Variants in CSMD1 observed in about 807,000 individuals in gnomAD.
The protein encoded by CSMD1 is CUB and Sushi multiple domains 1.
In CSMD1, 213 loss-of-function variants were observed where a neutral mutation model predicts 417.5. That is an observed-to-expected ratio of 0.51 (90% CI 0.46 to 0.57). The LOEUF (loss-of-function observed/expected upper bound fraction) is 0.57. Ranked by LOEUF, CSMD1 falls within the 20% of genes least tolerant of loss-of-function variation. The pLI is 0.00. For missense variants in CSMD1, 6,923 were observed against 4,529.7 expected (o/e 1.53, Z -15.17); for synonymous variants, 2,862 against 1,736.8 (o/e 1.65, Z -16.11).
chr8:3,563,488 A>C (rs1218471245), intron 10 of CSMD1, among the ~76,000 whole-genome samples: 1 of 151,646 alleles, frequency 6.6e-6, no homozygotes, highest in African/African-American at 2.4e-5. Flanking sequence ...GACCTGTAAA[A>C]CTAACTGAGC....
intron 1 of CSMD1, among the ~76,000 whole-genome samples, chr8:4,673,513 G>C (rs2130954151): frequency 6.6e-6 from 1 of 152,148 alleles, no homozygotes; most frequent in Non-Finnish European, 1.5e-5. Flanking sequence ...TGTTGGAAGA[G>C]TTTCCTACAA....
intron 3 of CSMD1, among the ~76,000 whole-genome samples, chr8:4,324,801 C>G (rs1339379879): frequency 6.6e-6 from 1 of 152,206 alleles, no homozygotes; most frequent in Non-Finnish European, 1.5e-5. Flanking sequence ...CTAGCGCCTG[C>G]TTCCCATGTC....
At chr8:3,766,076 C>T (rs746117625) in intron 5 of CSMD1, among the ~76,000 whole-genome samples, 2 of 152,126 alleles carry the variant, frequency 1.3e-5, no homozygotes, top group Non-Finnish European at 2.9e-5. Flanking sequence ...GAACTCAAGC[C>T]TGGGAAATGG....
chr8:3,106,424 A>C, intron 46 of CSMD1, 104 bp downstream of exon 46: 3 of 648,870 alleles, frequency 4.6e-6, no homozygotes, highest in Non-Finnish European at 7.7e-6. Context: ...ATAATAAACA[A>C]ATAAATAAGT....
intron 5 of CSMD1, among the ~76,000 whole-genome samples, chr8:3,821,064 G>C (rs1801709643): frequency 6.6e-6 from 1 of 151,936 alleles, no homozygotes; most frequent in Non-Finnish European, 1.5e-5. Flanking sequence ...TTACAGGTGT[G>C]TGCCACCACA....
intron 3 of CSMD1, among the ~76,000 whole-genome samples, chr8:4,159,722 G>C (rs1797040229): frequency 1.3e-5 from 2 of 152,124 alleles, no homozygotes; most frequent in African/African-American, 2.4e-5. Flanking sequence ...CCGAGCAGCT[G>C]GGACTACAGG....
chr8:4,959,603 G>T (rs1361416104), intron 1 of CSMD1, among the ~76,000 whole-genome samples: 1 of 152,244 alleles, frequency 6.6e-6, no homozygotes, highest in African/African-American at 2.4e-5. Flanking sequence ...TAGGCATTGA[G>T]CAGGCTTCCT....
intron 1 of CSMD1, among the ~76,000 whole-genome samples, chr8:4,773,565 T>C (rs1016434067): frequency 2.0e-5 from 3 of 152,204 alleles, no homozygotes; most frequent in Non-Finnish European, 1.5e-5. Context: ...ACTTTCACAC[T>C]GAATCCTCCT....
At chr8:3,900,669 G>C (rs529294756) in intron 5 of CSMD1, among the ~76,000 whole-genome samples, 6 of 152,152 alleles carry the variant, frequency 3.9e-5, no homozygotes, top group African/African-American at 1.4e-4. Context: ...TGACAGTGTA[G>C]CTAGGTGACA....
At chr8:3,329,625 T>C (rs1806766336) in intron 23 of CSMD1, among the ~76,000 whole-genome samples, 1 of 152,122 alleles carries the variant, frequency 6.6e-6, no homozygotes, top group South Asian at 2.1e-4. Context: ...AGGTTGGAGC[T>C]CAGGCTACTA....
chr8:3,384,678 T>G (rs1289109580), intron 18 of CSMD1, among the ~76,000 whole-genome samples: 5 of 130,312 alleles, frequency 3.8e-5, no homozygotes, highest in Non-Finnish European at 6.2e-5. Flanking sequence ...GCTATTTATA[T>G]ATAAATATAT....
At chr8:4,138,000 C>T (rs1003188601) in intron 3 of CSMD1, among the ~76,000 whole-genome samples, 1 of 149,134 alleles carries the variant, frequency 6.7e-6, no homozygotes, top group Non-Finnish European at 1.5e-5. Context: ...GCCTCAGCCT[C>T]CAGAGTAGCT....
chr8:3,742,826 G>C (rs921795463), intron 6 of CSMD1, among the ~76,000 whole-genome samples: 2 of 152,182 alleles, frequency 1.3e-5, no homozygotes, highest in African/African-American at 4.8e-5. Flanking sequence ...CATATAAGGA[G>C]ACCCAACTTC....
At chr8:3,160,906 A>C (rs944898660) in intron 38 of CSMD1, among the ~76,000 whole-genome samples, 1 of 152,212 alleles carries the variant, frequency 6.6e-6, no homozygotes, top group Non-Finnish European at 1.5e-5. Context: ...TCACTGCTAC[A>C]CAATATTTAC....
intron 50 of CSMD1, among the ~76,000 whole-genome samples, chr8:3,037,861 GCTT>G (rs1940851533): frequency 6.6e-6 from 1 of 152,038 alleles, no homozygotes; most frequent in South Asian, 2.1e-4. Flanking sequence ...TTAAGTTCTA[GCTT>G]CTTCTTCCCC....
Position 3,067,210 on chromosome 8 carries a change from T to C in CSMD1, c.7475-14563A>G, listed in dbSNP as rs555483614. On this transcript the variant is annotated intron_variant, in intron 49 of 69. Coordinates refer to ENST00000635120, the MANE Select transcript of CSMD1 (RefSeq NM_033225.6). The stretch of plus-strand genomic sequence containing the variant: ...CAATGTTATTCCCAGGCCCCATGCG[T>C]GAGACAGGAGATACCATGATACTCT... Among the ~76,000 whole-genome samples the C allele has an allele frequency of 2.6e-5, 4 of 152,284 alleles. No homozygotes were observed. In the East Asian group the frequency reaches 5.8e-4, roughly 22 times the overall value.
At chr8:3,844,096 CT>C (rs1215641106) in intron 5 of CSMD1, among the ~76,000 whole-genome samples, 2 of 152,148 alleles carry the variant, frequency 1.3e-5, no homozygotes, top group East Asian at 1.9e-4. Flanking sequence ...AAACCTGCCC[CT>C]CCTACCATTT....
intron 1 of CSMD1, among the ~76,000 whole-genome samples, chr8:4,708,863 A>C (rs1373241179): frequency 6.6e-6 from 1 of 152,186 alleles, no homozygotes; most frequent in African/African-American, 2.4e-5. Context: ...TGTTATAAGA[A>C]AGGGAAATTA....
chr8:3,974,530 G>A (rs530178630), intron 5 of CSMD1, among the ~76,000 whole-genome samples: 2 of 152,110 alleles, frequency 1.3e-5, no homozygotes, highest in South Asian at 2.1e-4. Flanking sequence ...CATAGTAGTT[G>A]TTTAGTTGTC....
Sources: allele counts gnomAD v4.1 joint callset (sites outside exome capture counted in the v4.1 genomes callset), GRCh38; gene constraint gnomAD v4.1.1; transcripts MANE v1.5; gene names NCBI Gene and HGNC (gene_info 2026-07-23, HGNC 2026-07-21).